The following HPSE2 variants were observed in gnomAD, a reference collection of about 807,000 sequenced individuals.
HPSE2 encodes inactive heparanase-2.
HPSE2 carries 38 observed loss-of-function variants against 60.5 expected under a neutral mutation model. That is an observed-to-expected ratio of 0.63 (90% CI 0.48 to 0.82). The LOEUF is 0.82. Among genes scored for constraint, HPSE2 ranks in the 40% least tolerant of loss-of-function variants. The probability of loss-of-function intolerance (pLI) is 0.00; values close to 1 mark genes in which losing one functional copy is unlikely to be tolerated. For synonymous variants in HPSE2, 295 were observed against 293.2 expected, an observed-to-expected ratio of 1.01 and a Z score of -0.06; for missense variants, 713 against 740.4, an observed-to-expected ratio of 0.96 and a Z score of 0.43.
intron 5 of HPSE2, among the ~76,000 whole-genome samples, chr10:98,702,319 T>C (rs1948432271): frequency 6.6e-6 from 1 of 152,142 alleles, no homozygotes; most frequent in African/African-American, 2.4e-5. Context: ...TACAAGTTCT[T>C]AGAGACCTAT....
intron 3 of HPSE2, among the ~76,000 whole-genome samples, chr10:98,797,858 CA>C (rs1031844558): frequency 4.0e-5 from 6 of 150,660 alleles, no homozygotes; most frequent in African/African-American, 1.5e-4. Context: ...AAACAAAAAA[CA>C]AAAAAACAAA....
chr10:99,155,070 G>A (rs1417208319), intron 2 of HPSE2, among the ~76,000 whole-genome samples: 1 of 146,016 alleles, frequency 6.8e-6, no homozygotes, highest in Non-Finnish European at 1.5e-5. Flanking sequence ...AAATATATAT[G>A]CACCCAATAC....
At chr10:98,835,093 A>G (rs549995011) in intron 3 of HPSE2, among the ~76,000 whole-genome samples, 4 of 152,118 alleles carry the variant, frequency 2.6e-5, no homozygotes, top group Admixed American at 2.6e-4. Flanking sequence ...AAAGAGGATT[A>G]TTTCTCAAAC....
chr10:98,677,065 T>C (rs1272553681), intron 6 of HPSE2, among the ~76,000 whole-genome samples: 2 of 152,194 alleles, frequency 1.3e-5, no homozygotes, highest in Non-Finnish European at 2.9e-5. Context: ...CCTTACTTCC[T>C]CCACCAGGAG....
intron 3 of HPSE2, among the ~76,000 whole-genome samples, chr10:99,115,163 T>TC: frequency 6.7e-6 from 1 of 150,284 alleles, no homozygotes; most frequent in South Asian, 2.1e-4. Context: ...GTGTTTTTTT[T>TC]TTTTTTTGAG....
intron 6 of HPSE2, among the ~76,000 whole-genome samples, chr10:98,653,496 A>G (rs139159957): frequency 6.7e-4 from 99 of 148,640 alleles, no homozygotes; most frequent in African/African-American, 2.4e-3. Flanking sequence ...CTCCTCTCTT[A>G]GTATACTATT....
intron 5 of HPSE2, among the ~76,000 whole-genome samples, chr10:98,713,187 G>T (rs1485128543): frequency 6.6e-6 from 1 of 152,030 alleles, no homozygotes; most frequent in African/African-American, 2.4e-5. Context: ...AGATAAAAAT[G>T]AAGATCTGGA....
intron 3 of HPSE2, among the ~76,000 whole-genome samples, chr10:99,046,473 T>C (rs2135487743): frequency 6.6e-6 from 1 of 152,222 alleles, no homozygotes; most frequent in African/African-American, 2.4e-5. Flanking sequence ...CTGGAAGTGC[T>C]AGCCAGTGCA....
Position 98,827,275 on chromosome 10 carries a change from G to A in HPSE2, c.611-83219C>T, listed in dbSNP as rs566850761. On this transcript the variant is annotated intron_variant, in intron 3 of 11. Transcript: ENST00000370552. ...GGCTGGAGTGCAGTGGCACAATCTCGGCTCACCACAAGCTCTGTGTCCTGG... is the reference window on the plus strand; with the variant it reads ...GGCTGGAGTGCAGTGGCACAATCTCAGCTCACCACAAGCTCTGTGTCCTGG... Among the ~76,000 whole-genome samples, 24 of 152,060 alleles carry A rather than the reference G, an allele frequency of 1.6e-4. No homozygotes were observed. In the South Asian group the frequency reaches 3.5e-3, roughly 22 times the overall value.
intron 2 of HPSE2, among the ~76,000 whole-genome samples, chr10:99,174,273 C>G (rs1286223975): frequency 6.6e-6 from 1 of 152,182 alleles, no homozygotes; most frequent in Non-Finnish European, 1.5e-5. Flanking sequence ...TCTCATAGCA[C>G]TTGGCATAAA....
chr10:98,663,232 G>A (rs925002785), intron 6 of HPSE2, among the ~76,000 whole-genome samples: 1 of 152,160 alleles, frequency 6.6e-6, no homozygotes, highest in African/African-American at 2.4e-5. Context: ...ACCAGGCACT[G>A]TTCTAGGTAC....
At chr10:99,203,044 C>G (rs1340683654) in intron 2 of HPSE2, among the ~76,000 whole-genome samples, 2 of 152,126 alleles carry the variant, frequency 1.3e-5, no homozygotes, top group Non-Finnish European at 2.9e-5. Context: ...AGCCTCCAAA[C>G]CTTCCCTCAT....
At chr10:99,049,227 A>G (rs1957933584) in intron 3 of HPSE2, among the ~76,000 whole-genome samples, 1 of 152,170 alleles carries the variant, frequency 6.6e-6, no homozygotes, top group Non-Finnish European at 1.5e-5. Flanking sequence ...AAATTCCCAT[A>G]TATTTTATAG....
chr10:99,176,078 C>T (rs1847514794), intron 2 of HPSE2, among the ~76,000 whole-genome samples: 1 of 152,122 alleles, frequency 6.6e-6, no homozygotes, highest in Non-Finnish European at 1.5e-5. Flanking sequence ...GCATCAACAT[C>T]AACAAAAAGG....
At chr10:98,723,080 A>C (rs1033786051) in intron 4 of HPSE2, among the ~76,000 whole-genome samples, 5 of 152,198 alleles carry the variant, frequency 3.3e-5, no homozygotes, top group African/African-American at 1.2e-4. Context: ...TTGCCCATTC[A>C]GTATGATATT....
chr10:99,270,509 CA>C, the HPSE2 span, among the ~76,000 whole-genome samples: 1 of 151,618 alleles, frequency 6.6e-6, no homozygotes, highest in Non-Finnish European at 1.5e-5. Flanking sequence ...TAATTGTCAA[CA>C]AAAAAAAGTC....
At chr10:99,118,521 T>TC (rs1844803055) in intron 3 of HPSE2, among the ~76,000 whole-genome samples, 2 of 50,010 alleles carry the variant, frequency 4.0e-5, no homozygotes, top group Admixed American at 2.6e-4. Context: ...AGACTCCTTC[T>TC]CCAAAAAAAA....
chr10:98,579,482 C>G (rs891712290), intron 9 of HPSE2, among the ~76,000 whole-genome samples: 1 of 152,116 alleles, frequency 6.6e-6, no homozygotes, highest in Non-Finnish European at 1.5e-5. Context: ...TTTGCCTGAT[C>G]GCCAGGTTAT....
the HPSE2 span, among the ~76,000 whole-genome samples, chr10:99,314,849 C>T: frequency 1.3e-5 from 2 of 152,154 alleles, no homozygotes; most frequent in Non-Finnish European, 2.9e-5. Context: ...GAGTTACATA[C>T]CAAACATCCC....
Sources: allele counts gnomAD v4.1 joint callset (sites outside exome capture counted in the v4.1 genomes callset), GRCh38; gene constraint gnomAD v4.1.1; transcripts MANE v1.5; gene names NCBI Gene and HGNC (gene_info 2026-07-23, HGNC 2026-07-21).